The following RIMS3 variants were observed in gnomAD, a reference collection of about 807,000 sequenced individuals.
RIMS3 encodes the protein regulating synaptic membrane exocytosis protein 3.
RIMS3 carries 15 observed loss-of-function variants against 29.2 expected under a neutral mutation model. The observed-to-expected ratio is 0.51, with a 90% CI of 0.34 to 0.79. RIMS3 has a LOEUF of 0.79. RIMS3 is among the 30% of genes least tolerant of loss of function. The probability of loss-of-function intolerance (pLI) is 0.01; values close to 1 mark genes in which losing one functional copy is unlikely to be tolerated. For missense variants in RIMS3, 342 were observed against 421.4 expected (o/e 0.81, Z 1.65); for synonymous variants, 161 against 170.1 (o/e 0.95, Z 0.41).
the RIMS3 span, among the ~76,000 whole-genome samples, chr1:40,681,254 T>C: frequency 6.6e-6 from 1 of 152,078 alleles, no homozygotes; most frequent in African/African-American, 2.4e-5. Context: ...AACAGGGGTG[T>C]AGAGGTGAGC....
chr1:40,676,193 C>T, the RIMS3 span, among the ~76,000 whole-genome samples: 1 of 152,182 alleles, frequency 6.6e-6, no homozygotes, highest in South Asian at 2.1e-4. Flanking sequence ...GCTTCTGCAG[C>T]CCAATGAGCC....
upstream of RIMS3, among the ~76,000 whole-genome samples, chr1:40,666,519 C>T (rs1483142524): frequency 1.3e-5 from 2 of 152,180 alleles, no homozygotes; most frequent in Non-Finnish European, 2.9e-5. Flanking sequence ...CTCCTGGAGT[C>T]CTGGGTTCTT....
the RIMS3 span, among the ~76,000 whole-genome samples, chr1:40,690,182 T>C: frequency 6.6e-6 from 1 of 152,206 alleles, no homozygotes; most frequent in Non-Finnish European, 1.5e-5. Context: ...TAACTAAATG[T>C]ACACTTTTAC....
At chr1:40,688,731 C>T in the RIMS3 span, among the ~76,000 whole-genome samples, 1 of 152,150 alleles carries the variant, frequency 6.6e-6, no homozygotes, top group Non-Finnish European at 1.5e-5. Context: ...AATCCTAATG[C>T]TCAGTGTGGC....
At chr1:40,665,758 G>A (rs1295296217), upstream of RIMS3, 2 of 153,020 alleles carry the variant, frequency 1.3e-5, no homozygotes, top group Non-Finnish European at 2.9e-5. Context: ...GGCGGGGCCA[G>A]TGGGCCGGAC....
intron 1 of RIMS3, among the ~76,000 whole-genome samples, chr1:40,648,598 T>C (rs1232602946): frequency 6.6e-6 from 1 of 152,226 alleles, no homozygotes; most frequent in Non-Finnish European, 1.5e-5. Flanking sequence ...TAAATGATCA[T>C]CAGTTGGGCA....
the RIMS3 span, chr1:40,691,673 A>G: frequency 2.2e-6 from 1 of 447,464 alleles, no homozygotes; most frequent in East Asian, 7.6e-5. Flanking sequence ...TCCAGGCGCC[A>G]AGGGAGGGGG....
chr1:40,623,671 G>A lies in RIMS3; in HGVS notation c.*2846C>T, dbSNP rs563402871. 132 of 339,524 alleles carry A rather than the reference G, an allele frequency of 3.9e-4. No individual in the cohort carries two copies. Among genetic ancestry groups the A allele is most frequent in the Non-Finnish European group, 5.9e-4 (120 of 202,978 alleles). 21.0% of individuals were successfully genotyped at this position (339,524 alleles called of 1,614,324 possible). A position where few individuals can be genotyped will look rare whatever the true frequency, so the allele number is the denominator to read the frequency against. ...CATGTTCCTTCCTTCCCCACCCCCC[G>A]TCCTCAAACAGCAGATGCTCCCCCA... On this transcript the variant is annotated 3_prime_UTR_variant, in exon 8 of 8. Transcript: ENST00000372684.
At chr1:40,628,649 T>G (rs142051915) in intron 7 of RIMS3, among the ~76,000 whole-genome samples, 161 bp downstream of exon 7, 5 of 152,306 alleles carry the variant, frequency 3.3e-5, no homozygotes, top group African/African-American at 1.2e-4. Context: ...ATGAATCAAC[T>G]GGGGACAGTA....
At chr1:40,660,528 C>G (rs1490333443) in intron 1 of RIMS3, among the ~76,000 whole-genome samples, 1 of 151,968 alleles carries the variant, frequency 6.6e-6, no homozygotes, top group East Asian at 1.9e-4. Context: ...CAGGCAAGCG[C>G]CACCATGCCC....
the RIMS3 span, among the ~76,000 whole-genome samples, chr1:40,673,938 T>C: frequency 1.7e-4 from 25 of 148,940 alleles, no homozygotes; most frequent in African/African-American, 6.0e-4. Flanking sequence ...ATATGTAAAG[T>C]GATCAGCAGT....
chr1:40,675,313 A>G, the RIMS3 span, among the ~76,000 whole-genome samples: 118,933 of 151,508 alleles, frequency 0.78, 47,300 homozygotes, highest in African/African-American at 0.9. Context: ...AGGTGGCAGA[A>G]GGAGTTGAAG....
rs778401100 is a variant in RIMS3 at position 40,633,151 on chromosome 1, A to G, written c.390T>C (p.Ala130=). The change falls in exon 5 of 8, where the codon GCT becomes GCC. Residue 130 remains alanine (A), a synonymous_variant. Coordinates refer to ENST00000372684, the MANE Select transcript of RIMS3 (RefSeq NM_014747.3). ...CCAGGAAATCGCTGAACTGGCTTTCAGCCCCTAGCCGGGTAGTGGGGAAGA... is the reference window on the plus strand; with the variant it reads ...CCAGGAAATCGCTGAACTGGCTTTCGGCCCCTAGCCGGGTAGTGGGGAAGA... The part of the protein sequence containing the change: ...TFIFPTTRLG[A]ESQFSDFLDG... 10 of 1,614,114 alleles carry G rather than the reference A, an allele frequency of 6.2e-6. No homozygotes were observed. The South Asian group carries it at 1.1e-4, about 18-fold the overall frequency.
At chr1:40,664,225 C>T (rs924645483) in intron 1 of RIMS3, among the ~76,000 whole-genome samples, 2 of 152,118 alleles carry the variant, frequency 1.3e-5, no homozygotes, top group East Asian at 1.9e-4. Flanking sequence ...GTCACCTCCC[C>T]AGCACATCCC....
chr1:40,621,809 C>G lies in RIMS3; in HGVS notation c.*4708G>C, dbSNP rs1216436374. ...AGCCCCATTCTGTTAGCCAAGCTGACTGGAACCCAGGCTCAGGGACCCTTC... is the reference window on the plus strand; with the variant it reads ...AGCCCCATTCTGTTAGCCAAGCTGAGTGGAACCCAGGCTCAGGGACCCTTC... On this transcript the variant is annotated 3_prime_UTR_variant, in exon 8 of 8. Coordinates refer to ENST00000372684, the MANE Select transcript of RIMS3 (RefSeq NM_014747.3). 6.6e-6 allele frequency: 1 copy of G among 152,276 alleles called. No individual in the cohort carries two copies. Among genetic ancestry groups the G allele is most frequent in the South Asian group, 2.1e-4 (1 of 4,826 alleles). The allele number at this position is 152,276 out of a possible 1,614,324, so 9.4% of individuals were successfully genotyped here.
chr1:40,650,863 CAAAAAAA>C (rs58578342), intron 1 of RIMS3, among the ~76,000 whole-genome samples: 10 of 64,550 alleles, frequency 1.5e-4, no homozygotes, highest in Admixed American at 2.0e-4. Context: ...CAGACTCTGT[CAAAAAAA>C]AAAAAAAAAA....
rs1646522011 is a variant in RIMS3, at chr1:40,636,588, C to G, written c.218-531G>C. Among the ~76,000 whole-genome samples, 1 of 152,200 alleles carries G rather than the reference C, an allele frequency of 6.6e-6. No individual in the cohort carries two copies. Among genetic ancestry groups the G allele is most frequent in the Non-Finnish European group, 1.5e-5 (1 of 68,042 alleles). ...AGCCCCCATGGGAAGCCTGGCCACT[C>G]TCAAACAAACCCACCTTCTCTAGGT... On this transcript the variant is annotated intron_variant, in intron 3 of 7. Transcript: ENST00000372684. The surrounding 1 kb of genome is among the most constrained non-coding windows in gnomAD (Gnocchi z 4.2).
chr1:40,643,295 C>T (rs1354830296), intron 2 of RIMS3, among the ~76,000 whole-genome samples: 1 of 151,922 alleles, frequency 6.6e-6, no homozygotes, highest in African/African-American at 2.4e-5. Flanking sequence ...CCAAGCCTGG[C>T]TAATGTTTTG....
intron 3 of RIMS3, among the ~76,000 whole-genome samples, chr1:40,637,684 CAT>C (rs911800051): frequency 2.0e-5 from 3 of 152,336 alleles, no homozygotes; most frequent in East Asian, 3.9e-4. Flanking sequence ...CACATGTACA[CAT>C]GATGGACTCT....
Sources: gnomAD v4.1 joint callset for allele counts (sites outside exome capture counted in the v4.1 genomes callset) on GRCh38, gnomAD v4.1.1 for gene constraint, Gnocchi (gnomAD v3.1) non-coding constraint, MANE v1.5 for transcripts, NCBI Gene and HGNC (gene_info 2026-07-23, HGNC 2026-07-21) for gene names.